The following MPDZ variants were observed in gnomAD, a reference collection of about 807,000 sequenced individuals.
MPDZ encodes the protein multiple PDZ domain crumbs cell polarity complex component.
In MPDZ, 234 loss-of-function variants were observed where a neutral mutation model predicts 239.1. The observed-to-expected ratio is 0.98, with a 90% confidence interval of 0.88 to 1.09. The LOEUF (loss-of-function observed/expected upper bound fraction) is 1.09. Ranked by LOEUF, MPDZ falls within the 50% of genes least tolerant of loss-of-function variation. The pLI is 0.00. For synonymous variants in MPDZ, 1,048 were observed against 881.3 expected (o/e 1.19, Z -3.35); for missense variants, 3,175 against 2,510.0 (o/e 1.26, Z -5.66).
At chr9:13,189,796 T>C (rs1178529340) in intron 16 of MPDZ, among the ~76,000 whole-genome samples, 1 of 152,182 alleles carries the variant, frequency 6.6e-6, no homozygotes, top group Non-Finnish European at 1.5e-5. Context: ...TCTTTATGAC[T>C]TACCACTAAA....
intron 1 of MPDZ, chr9:13,274,401 TG>T (rs1340629487): frequency 1.3e-5 from 2 of 152,068 alleles, no homozygotes; most frequent in African/African-American, 4.8e-5. Flanking sequence ...CAATGAATGT[TG>T]CTTTTGCAGA....
intron 23 of MPDZ, among the ~76,000 whole-genome samples, chr9:13,159,121 T>C (rs1164075082): frequency 6.6e-6 from 1 of 152,162 alleles, no homozygotes; most frequent in Non-Finnish European, 1.5e-5. Context: ...TGATATAATA[T>C]GTTGAATTAA....
In MPDZ at chr9:13,192,131, CT is replaced by C. The variant is rs1478516652; in HGVS notation, c.1967del (p.Lys656SerfsTer4). The C allele has an allele frequency of 6.3e-7, 1 of 1,587,844 alleles. No individual in the cohort carries two copies. The highest frequency in any genetic ancestry group is 8.6e-7 in the Non-Finnish European group (1 of 1,165,844). Reference protein sequence around the residue: ...LDLCDIELTEKPHVDLGEFIG... With the variant: ...LDLCDIELTEXPHVDLGEFIG... ...AGCCTCATGTATGCAAATCTGATAC[CT>C]TTTCTGTTAGCTCAATATCACATAA... On this transcript the variant is annotated frameshift_variant and splice_region_variant, in exon 15 of 47. Transcript: ENST00000319217. LOFTEE classifies it high-confidence loss of function.
chr9:13,247,263 G>T (rs1239238681), intron 3 of MPDZ, among the ~76,000 whole-genome samples: 1 of 152,152 alleles, frequency 6.6e-6, no homozygotes. Context: ...AATCTTGTAA[G>T]TATACTGAAT....
intron 22 of MPDZ, among the ~76,000 whole-genome samples, chr9:13,165,105 A>T (rs1950914017): frequency 6.6e-6 from 1 of 152,168 alleles, no homozygotes; most frequent in South Asian, 2.1e-4. Flanking sequence ...GTTCCCTTAC[A>T]AAGGAGCTTG....
intron 39 of MPDZ, among the ~76,000 whole-genome samples, chr9:13,117,237 G>C (rs532114214): frequency 6.6e-6 from 1 of 152,208 alleles, no homozygotes; most frequent in African/African-American, 2.4e-5. Flanking sequence ...CTGCAGATTA[G>C]GAGCGACTAC....
chr9:13,130,372 T>C (rs1012944201), intron 32 of MPDZ, among the ~76,000 whole-genome samples: 1 of 152,222 alleles, frequency 6.6e-6, no homozygotes. Context: ...AATCATTCTC[T>C]TCCTGACTCT....
intron 13 of MPDZ, among the ~76,000 whole-genome samples, chr9:13,193,686 C>A (rs1955254599): frequency 6.6e-6 from 1 of 152,170 alleles, no homozygotes; most frequent in Non-Finnish European, 1.5e-5. Flanking sequence ...AACGCAGAAC[C>A]ACATTCCTGG....
intron 29 of MPDZ, among the ~76,000 whole-genome samples, chr9:13,137,304 C>T (rs905683601): frequency 5.9e-5 from 9 of 152,090 alleles, no homozygotes; most frequent in African/African-American, 1.9e-4. Context: ...CAGTGCCTAA[C>T]GCAAATGACT....
At chr9:13,248,401 T>C (rs879520162) in intron 2 of MPDZ, among the ~76,000 whole-genome samples, 1 of 152,118 alleles carries the variant, frequency 6.6e-6, no homozygotes, top group Non-Finnish European at 1.5e-5. Context: ...TTGAACACTG[T>C]ACAAATCAGA....
intron 21 of MPDZ, among the ~76,000 whole-genome samples, chr9:13,172,389 T>TTG (rs1442980636): frequency 2.0e-5 from 3 of 150,462 alleles, no homozygotes; most frequent in East Asian, 3.9e-4. Flanking sequence ...TGTTTTTTGT[T>TTG]TTTTTTTTTT....
intron 1 of MPDZ, among the ~76,000 whole-genome samples, chr9:13,265,131 G>A (rs1296678166): frequency 1.3e-5 from 2 of 152,180 alleles, no homozygotes; most frequent in African/African-American, 4.8e-5. Flanking sequence ...AAAACATGCA[G>A]AAGACTTAAC....
intron 24 of MPDZ, among the ~76,000 whole-genome samples, chr9:13,153,609 A>T (rs916555071): frequency 4.0e-4 from 61 of 152,222 alleles, no homozygotes; most frequent in African/African-American, 1.4e-3. Context: ...AAGTGCTGAG[A>T]TTATAGGCAT....
chr9:13,239,220 G>A (rs1964794007), intron 3 of MPDZ, among the ~76,000 whole-genome samples: 1 of 152,062 alleles, frequency 6.6e-6, no homozygotes, highest in Non-Finnish European at 1.5e-5. Context: ...ATCATAAGAA[G>A]CCCTCAAATC....
intron 12 of MPDZ, among the ~76,000 whole-genome samples, chr9:13,198,242 C>T (rs1955899483): frequency 6.6e-6 from 1 of 152,134 alleles, no homozygotes; most frequent in Non-Finnish European, 1.5e-5. Context: ...CCTTTCTCCA[C>T]ATCCTTGTCA....
intron 10 of MPDZ, among the ~76,000 whole-genome samples, chr9:13,216,377 G>T (rs534990585): frequency 1.4e-5 from 2 of 145,876 alleles, no homozygotes; most frequent in African/African-American, 5.0e-5. Flanking sequence ...GTATCATTCT[G>T]CTGATTAAAA....
At chr9:13,210,886 G>A (rs1957543759) in intron 10 of MPDZ, among the ~76,000 whole-genome samples, 1 of 152,140 alleles carries the variant, frequency 6.6e-6, no homozygotes, top group South Asian at 2.1e-4. Context: ...GAGATAGTCA[G>A]TTCTGAACAT....
At chr9:13,161,728 T>C (rs1371496282) in intron 23 of MPDZ, among the ~76,000 whole-genome samples, 9 of 152,268 alleles carry the variant, frequency 5.9e-5, no homozygotes, top group Admixed American at 2.6e-4. Flanking sequence ...AAATGGTACA[T>C]TCTTCATGGA....
Position 13,188,769 on chromosome 9 carries a change from A to G in MPDZ, c.2364+15T>C. ...TTATAAATATAAAGGGAAGCAATAA[A>G]GTCTGAATTCTTACGGGTAAAGGCT... On this transcript the variant is annotated intron_variant, in intron 17 of 46. Coordinates refer to ENST00000319217, the MANE Select transcript of MPDZ (RefSeq NM_001378778.1). 2 of 1,604,062 alleles carry G rather than the reference A, an allele frequency of 1.2e-6. No homozygotes were observed. The highest frequency in any genetic ancestry group is 1.7e-6 in the Non-Finnish European group (2 of 1,173,166).
Sources: allele counts gnomAD v4.1 joint callset (sites outside exome capture counted in the v4.1 genomes callset), GRCh38; gene constraint gnomAD v4.1.1; transcripts MANE v1.5; gene names NCBI Gene and HGNC (gene_info 2026-07-23, HGNC 2026-07-21).